The following PDE11A variants were observed in gnomAD, a reference collection of about 807,000 sequenced individuals.
The protein encoded by PDE11A is phosphodiesterase 11A.
A neutral mutation model predicts 100.5 loss-of-function variants in PDE11A; 100 were observed. The observed-to-expected ratio is 1.00, with a 90% CI of 0.85 to 1.18. The LOEUF is 1.18. Among genes scored for constraint, PDE11A ranks in the 50% most tolerant of loss-of-function variants. The pLI is 0.00. For missense variants in PDE11A, 1,141 were observed against 1,152.6 expected, an observed-to-expected ratio of 0.99 and a Z score of 0.15; for synonymous variants, 381 against 420.8, an observed-to-expected ratio of 0.91 and a Z score of 1.16.
intron 2 of PDE11A, among the ~76,000 whole-genome samples, chr2:177,985,635 G>GT (rs2085930844): frequency 6.6e-6 from 1 of 152,150 alleles, no homozygotes; most frequent in African/African-American, 2.4e-5. Context: ...TGAACTCAAC[G>GT]TTAAGAAACA....
At chr2:177,799,257 T>A (rs775401415) in intron 9 of PDE11A, among the ~76,000 whole-genome samples, 2 of 152,018 alleles carry the variant, frequency 1.3e-5, no homozygotes, top group Non-Finnish European at 2.9e-5. Context: ...CTGAATGAGA[T>A]CCTGGTACAA....
intron 2 of PDE11A, among the ~76,000 whole-genome samples, chr2:177,994,953 G>A (rs1409591715): frequency 6.6e-6 from 1 of 152,022 alleles, no homozygotes; most frequent in Admixed American, 6.6e-5. Context: ...AAAAATAACC[G>A]AAGTTGTGCA....
chr2:177,853,805 T>A (rs966502127), intron 5 of PDE11A, among the ~76,000 whole-genome samples: 2 of 142,716 alleles, frequency 1.4e-5, no homozygotes, highest in Non-Finnish European at 3.0e-5. Flanking sequence ...TATGTATATA[T>A]GTGCATATAT....
At chr2:177,736,104 C>A (rs1272198245) in intron 10 of PDE11A, among the ~76,000 whole-genome samples, 2 of 152,102 alleles carry the variant, frequency 1.3e-5, no homozygotes, top group Non-Finnish European at 2.9e-5. Flanking sequence ...AATTTGTTTT[C>A]GGTTGAGTGG....
At chr2:177,737,154 C>T (rs1035029533) in intron 10 of PDE11A, among the ~76,000 whole-genome samples, 6 of 151,968 alleles carry the variant, frequency 3.9e-5, no homozygotes, top group Non-Finnish European at 8.8e-5. Context: ...GCAGGAGAAT[C>T]GCTTTAACCC....
chr2:178,034,866 T>C (rs143439144), intron 1 of PDE11A, among the ~76,000 whole-genome samples: 30 of 151,606 alleles, frequency 2.0e-4, no homozygotes, highest in Non-Finnish European at 3.5e-4. Context: ...CTGGGACACA[T>C]TTAAAGCAGT....
intron 2 of PDE11A, among the ~76,000 whole-genome samples, chr2:177,966,566 G>C (rs978879436): frequency 5.3e-5 from 8 of 151,870 alleles, no homozygotes; most frequent in Non-Finnish European, 8.8e-5. Context: ...TTAACATGAA[G>C]AGATGTTCAA....
intron 2 of PDE11A, chr2:177,997,609 A>T (rs2086092311): frequency 9.1e-7 from 1 of 1,100,346 alleles, no homozygotes. Context: ...AAGTTGTCTG[A>T]TATAAACTTG....
intron 1 of PDE11A, among the ~76,000 whole-genome samples, chr2:178,054,637 TAAAC>T (rs2086874707): frequency 2.0e-5 from 3 of 152,156 alleles, no homozygotes; most frequent in East Asian, 1.9e-4. Context: ...ACAAAGAACT[TAAAC>T]AAATTTATAA....
chr2:178,105,189 C>T (rs139890080), intron 1 of PDE11A, among the ~76,000 whole-genome samples: 1,645 of 152,142 alleles, frequency 0.011, 32 homozygotes, highest in African/African-American at 0.035. Context: ...GGGTTGGGTG[C>T]GGTGGCTCAT....
rs1212022176 is a variant in PDE11A, at chr2:177,853,680, ATG to A, written c.1368-13299_1368-13298del. 2.4e-3 allele frequency among the ~76,000 whole-genome samples: 88 copies of A among 36,494 alleles called. 1 individual carries two copies. The highest frequency in any genetic ancestry group is 6.1e-3 in the South Asian group (5 of 826). 23.9% of individuals were successfully genotyped at this position (36,494 alleles called of 152,430 possible). On this transcript the variant is annotated intron_variant, in intron 5 of 19. Transcript: ENST00000286063. ...TATATATATATATATATATATATAT[ATG>A]TGTGTGTGTGTGTGTGTGTGTGTGT... is the stretch of plus-strand genomic sequence containing the variant.
intron 2 of PDE11A, among the ~76,000 whole-genome samples, chr2:177,915,953 A>C (rs527270788): frequency 6.6e-6 from 1 of 152,278 alleles, no homozygotes; most frequent in South Asian, 2.1e-4. Flanking sequence ...ACAGTTTTGC[A>C]GTCTTCAGAA....
upstream of PDE11A, chr2:178,072,842 T>G (rs2087157218): frequency 2.6e-6 from 3 of 1,174,946 alleles, no homozygotes; most frequent in South Asian, 5.4e-5. Flanking sequence ...GCACGGAGCC[T>G]GGAGGGAGGA....
At chr2:177,982,021 T>C (rs1356553166) in intron 2 of PDE11A, among the ~76,000 whole-genome samples, 1 of 150,960 alleles carries the variant, frequency 6.6e-6, no homozygotes, top group Non-Finnish European at 1.5e-5. Flanking sequence ...CCTGCAAAAG[T>C]ATATACTACA....
At chr2:177,952,801 A>G (rs1159294121) in intron 2 of PDE11A, among the ~76,000 whole-genome samples, 1 of 152,034 alleles carries the variant, frequency 6.6e-6, no homozygotes, top group Non-Finnish European at 1.5e-5. Context: ...CACTCTGTAC[A>G]TTGCACTTAC....
chr2:177,939,423 G>A (rs2085317341), intron 2 of PDE11A, among the ~76,000 whole-genome samples: 2 of 142,318 alleles, frequency 1.4e-5, no homozygotes, highest in Non-Finnish European at 3.1e-5. Context: ...AAGGAAGAAG[G>A]AAGGGAGGAG....
chr2:177,863,015 A>G (rs2083969329), intron 5 of PDE11A, among the ~76,000 whole-genome samples: 3 of 152,116 alleles, frequency 2.0e-5, no homozygotes, highest in Admixed American at 2.0e-4. Context: ...TATAGAGCCC[A>G]GAAATAAATC....
chr2:177,954,166 A>G (rs34660521), intron 2 of PDE11A, among the ~76,000 whole-genome samples: 15,858 of 151,836 alleles, frequency 0.1, 1,139 homozygotes, highest in Non-Finnish European at 0.15. Flanking sequence ...TTCCTTTGAA[A>G]TCCTCAATCC....
chr2:178,066,103 G>T, intron 1 of PDE11A, among the ~76,000 whole-genome samples: 1 of 152,092 alleles, frequency 6.6e-6, no homozygotes, highest in East Asian at 1.9e-4. Context: ...AAGGCAAGCA[G>T]GTTCTAAATG....
Sources: allele counts gnomAD v4.1 joint callset (sites outside exome capture counted in the v4.1 genomes callset), GRCh38; gene constraint gnomAD v4.1.1; transcripts MANE v1.5; gene names NCBI Gene and HGNC (gene_info 2026-07-23, HGNC 2026-07-21).